Variants in PCDHGA2 observed in about 807,000 individuals in gnomAD.
The protein encoded by PCDHGA2 is protocadherin gamma-A2.
A neutral mutation model predicts 59.2 loss-of-function variants in PCDHGA2; 40 were observed. That is an observed-to-expected ratio of 0.68 (90% CI 0.52 to 0.88). PCDHGA2 has a LOEUF of 0.88. Ranked by LOEUF, PCDHGA2 falls within the 40% of genes least tolerant of loss-of-function variation. The pLI, the probability that PCDHGA2 is intolerant of heterozygous loss-of-function variation, is 0.00. For synonymous variants in PCDHGA2, 560 were observed against 526.0 expected (o/e 1.06, Z -0.89); for missense variants, 1,226 against 1,204.0 (o/e 1.02, Z -0.27).
At chr5:141,371,146 T>C (rs751386839) in intron 1 of PCDHGA2, 4 of 1,614,022 alleles carry the variant, frequency 2.5e-6, no homozygotes, top group East Asian at 4.5e-5. Flanking sequence ...AGGGTCAATG[T>C]TGCAGAGAAC....
chr5:141,350,552 G>C, intron 1 of PCDHGA2: 1 of 1,614,066 alleles, frequency 6.2e-7, no homozygotes, highest in Non-Finnish European at 8.5e-7. Context: ...AAGGAAACTT[G>C]AGTGTGCACT....
rs57426385 is a variant in PCDHGA2, at chr5:141,415,740, G to GTTTTTTTTTTTTT, written c.2424+74365_2424+74377dup. ...TGAGTAGAATTTGATGTTTATTAAGGTTTTTTTTTTTTTTTTTTTTTTTTT... is the reference window on the plus strand; with the variant it reads ...TGAGTAGAATTTGATGTTTATTAAGGTTTTTTTTTTTTTTTTTTTTTTTTTTTTTTTTTTTTTT... On this transcript the variant is annotated intron_variant, in intron 1 of 3. Coordinates refer to ENST00000394576, the MANE Select transcript of PCDHGA2 (RefSeq NM_018915.4). The GTTTTTTTTTTTTT allele has an allele frequency of 2.5e-4, 159 of 625,022 alleles. 3 individuals carry two copies. Among genetic ancestry groups the GTTTTTTTTTTTTT allele is most frequent in the Admixed American group, 5.7e-4 (8 of 14,124 alleles). 38.7% of individuals were successfully genotyped at this position (625,022 alleles called of 1,614,324 possible).
intron 1 of PCDHGA2, chr5:141,389,984 C>G: frequency 6.2e-7 from 1 of 1,614,070 alleles, no homozygotes; most frequent in Non-Finnish European, 8.5e-7. Flanking sequence ...TCTCAGTGCT[C>G]TTCCTCGTGG....
chr5:141,432,642 C>T lies in PCDHGA2; in HGVS notation c.2425-62165C>T, dbSNP rs746251093. 7.4e-6 allele frequency: 12 copies of T among 1,613,784 alleles called. No individual in the cohort carries two copies. The highest frequency in any genetic ancestry group is 2.7e-5 in the African/African-American group (2 of 75,056). ...GGTCTGCACACGGGCGAGGTGCGCA[C>T]GGCGCGAGCCCTGCTGGACAGAGAC... On this transcript the variant is annotated intron_variant, in intron 1 of 3. Coordinates refer to ENST00000394576, the MANE Select transcript of PCDHGA2 (RefSeq NM_018915.4). This position sits in a 1 kb window ranked among gnomAD's most constrained non-coding sequence, Gnocchi z 6.0.
chr5:141,432,139 TATCCCAGAGAACA>T lies in PCDHGA2; in HGVS notation c.2425-62658_2425-62646del, dbSNP rs745506362. On this transcript the variant is annotated intron_variant, in intron 1 of 3. Transcript: ENST00000394576. The surrounding 1 kb of genome is among the most constrained non-coding windows in gnomAD (Gnocchi z 6.0). ...TCCCTCAGGCCTCCTATTCCGCTTA[TATCCCAGAGAACA>T]ATCCCAGAGGAGTTTCCCTCGTCTC... 1.1e-5 allele frequency: 17 copies of T among 1,613,976 alleles called. No individual in the cohort carries two copies. The highest frequency in any genetic ancestry group is 1.3e-5 in the African/African-American group (1 of 74,892).
chr5:141,366,488 C>T, intron 1 of PCDHGA2: 5 of 1,614,264 alleles, frequency 3.1e-6, no homozygotes, highest in Non-Finnish European at 4.2e-6. Flanking sequence ...GAGGCGCTGG[C>T]ACAAGTCACG....
At chr5:141,366,314 G>A (rs759896356) in intron 1 of PCDHGA2, 9 of 1,613,624 alleles carry the variant, frequency 5.6e-6, no homozygotes, top group South Asian at 5.5e-5. Flanking sequence ...CACGGTCACC[G>A]TTGCCGTGGC....
intron 1 of PCDHGA2, chr5:141,346,467 T>C: frequency 6.2e-7 from 1 of 1,613,966 alleles, no homozygotes; most frequent in Non-Finnish European, 8.5e-7. Flanking sequence ...GGTGAGTTTA[T>C]TTATTTCTTT....
chr5:141,491,254 G>A lies in PCDHGA2; in HGVS notation c.2425-3553G>A, dbSNP rs746242389. ...GCTGGTTCTGGAGGATGAGGACCCT[G>A]AGGAAATGCCCAAATCCAGTGACTT... is the stretch of plus-strand genomic sequence containing the variant. On this transcript the variant is annotated intron_variant, in intron 1 of 3. Coordinates refer to ENST00000394576, the MANE Select transcript of PCDHGA2 (RefSeq NM_018915.4). This position sits in a 1 kb window ranked among gnomAD's most constrained non-coding sequence, Gnocchi z 6.9. 24 of 1,614,198 alleles carry A rather than the reference G, an allele frequency of 1.5e-5. No individual in the cohort carries two copies. The highest frequency in any genetic ancestry group is 2.0e-5 in the Non-Finnish European group (24 of 1,180,018).
At chr5:141,409,200 T>A in intron 1 of PCDHGA2, 1 of 1,614,020 alleles carries the variant, frequency 6.2e-7, no homozygotes, top group Non-Finnish European at 8.5e-7. Flanking sequence ...CAGTGTAAAG[T>A]AATCATAGAA....
intron 1 of PCDHGA2, among the ~76,000 whole-genome samples, chr5:141,459,759 G>A (rs1164466104): frequency 7.2e-5 from 11 of 152,206 alleles, no homozygotes; most frequent in Non-Finnish European, 2.9e-5. Context: ...TCTAGTGGGT[G>A]TGTGATACTA....
At chr5:141,386,206 G>A (rs931130731) in intron 1 of PCDHGA2, among the ~76,000 whole-genome samples, 2 of 152,116 alleles carry the variant, frequency 1.3e-5, no homozygotes, top group East Asian at 3.9e-4. Context: ...ACCAGTAGTT[G>A]ATTTTATTTA....
intron 1 of PCDHGA2, among the ~76,000 whole-genome samples, chr5:141,462,639 C>T (rs2099043867): frequency 7.2e-6 from 1 of 138,292 alleles, no homozygotes. Flanking sequence ...TTGACTCTTT[C>T]ATTTCCATCC....
Position 141,344,443 on chromosome 5 carries a change from A to G in PCDHGA2, c.2424+3048A>G. ...AATGCTCCTAATTTCCCAACAGAGG[A>G]ATTGGAAATAAAAATTGGTGAACTA... is the stretch of plus-strand genomic sequence containing the variant. On this transcript the variant is annotated intron_variant, in intron 1 of 3. Transcript: ENST00000394576. 3 of 1,613,686 alleles carry G rather than the reference A, an allele frequency of 1.9e-6. No homozygotes were observed. The highest frequency in any genetic ancestry group is 2.5e-6 in the Non-Finnish European group (3 of 1,179,742).
chr5:141,409,415 G>C, intron 1 of PCDHGA2: 1 of 1,614,008 alleles, frequency 6.2e-7, no homozygotes. Context: ...CTACAAACTG[G>C]TGACAGATGG....
At chr5:141,472,411 C>T (rs747412647) in intron 1 of PCDHGA2, among the ~76,000 whole-genome samples, 9 of 151,918 alleles carry the variant, frequency 5.9e-5, no homozygotes, top group Admixed American at 3.3e-4. Flanking sequence ...CGTGGTGGCA[C>T]GCACCTGTAT....
In PCDHGA2 at chr5:141,490,296, G is replaced by T; in HGVS notation, c.2425-4511G>T. The stretch of plus-strand genomic sequence containing the variant: ...ATGACAATGCCCCAGAGGTGCTATT[G>T]GCCTCTTTGGCCAACCCTGTCCTAG... On this transcript the variant is annotated intron_variant, in intron 1 of 3. Coordinates refer to ENST00000394576, the MANE Select transcript of PCDHGA2 (RefSeq NM_018915.4). This position sits in a 1 kb window ranked among gnomAD's most constrained non-coding sequence, Gnocchi z 5.4. 6.2e-7 allele frequency: 1 copy of T among 1,614,184 alleles called. No homozygotes were observed. Among genetic ancestry groups the T allele is most frequent in the South Asian group, 1.1e-5 (1 of 91,084 alleles).
intron 1 of PCDHGA2, among the ~76,000 whole-genome samples, chr5:141,443,722 C>G (rs2098401001): frequency 6.6e-6 from 1 of 152,012 alleles, no homozygotes; most frequent in Admixed American, 6.6e-5. Context: ...TATAAAATTC[C>G]TCATACATTT....
chr5:141,458,594 G>A (rs1226490392), intron 1 of PCDHGA2, among the ~76,000 whole-genome samples: 2 of 151,612 alleles, frequency 1.3e-5, no homozygotes, highest in South Asian at 2.1e-4. Flanking sequence ...TTTTGGAGAC[G>A]AGTCTCACTC....
Sources: allele counts gnomAD v4.1 joint callset (sites outside exome capture counted in the v4.1 genomes callset), GRCh38; gene constraint gnomAD v4.1.1; non-coding constraint Gnocchi (gnomAD v3.1); transcripts MANE v1.5; gene names NCBI Gene and HGNC (gene_info 2026-07-23, HGNC 2026-07-21).